The following TANGO6 variants were observed in gnomAD, a reference collection of about 807,000 sequenced individuals.
The protein encoded by TANGO6 is transport and Golgi organization protein 6 homolog.
TANGO6 carries 90 observed loss-of-function variants against 114.2 expected under a neutral mutation model. The observed-to-expected ratio is 0.79, with a 90% CI of 0.66 to 0.94. The LOEUF is 0.94. Ranked by LOEUF, TANGO6 falls within the 40% of genes least tolerant of loss-of-function variation. TANGO6 has a pLI of 0.00. For synonymous variants in TANGO6, 477 were observed against 509.8 expected (o/e 0.94, Z 0.87); for missense variants, 1,274 against 1,315.3 (o/e 0.97, Z 0.49).
chr16:68,932,237 T>C (rs546866617), intron 14 of TANGO6, among the ~76,000 whole-genome samples: 100 of 152,156 alleles, frequency 6.6e-4, no homozygotes, highest in African/African-American at 2.3e-3. Flanking sequence ...ATTACAGGCA[T>C]GTGCCACCAC....
intron 7 of TANGO6, among the ~76,000 whole-genome samples, chr16:68,883,965 A>G (rs1402423382): frequency 6.6e-6 from 1 of 152,024 alleles, no homozygotes; most frequent in Non-Finnish European, 1.5e-5. Context: ...GGTGGAGTGC[A>G]GTGAGATGAC....
chr16:68,997,221 A>G (rs1160431044), intron 15 of TANGO6, among the ~76,000 whole-genome samples: 1 of 152,214 alleles, frequency 6.6e-6, no homozygotes, highest in African/African-American at 2.4e-5. Context: ...TGAGGAAGGA[A>G]TTCAAGAGTG....
intron 16 of TANGO6, among the ~76,000 whole-genome samples, chr16:69,039,835 C>G (rs1008754436): frequency 6.6e-6 from 1 of 152,150 alleles, no homozygotes. Context: ...TAGGCTGAAA[C>G]TTTCATCAAT....
intron 1 of TANGO6, among the ~76,000 whole-genome samples, chr16:68,844,204 G>C (rs983858500): frequency 6.6e-6 from 1 of 152,150 alleles, no homozygotes; most frequent in Non-Finnish European, 1.5e-5. Flanking sequence ...GGGTTACCAG[G>C]CGCTTTTAAT....
chr16:68,886,864 G>A (rs191502626), intron 7 of TANGO6, among the ~76,000 whole-genome samples: 1 of 151,026 alleles, frequency 6.6e-6, no homozygotes, highest in East Asian at 2.0e-4. Context: ...CTGGAGTGCA[G>A]TTGTGCGATC....
intron 16 of TANGO6, among the ~76,000 whole-genome samples, chr16:69,033,347 A>C (rs1008664148): frequency 6.6e-6 from 1 of 152,190 alleles, no homozygotes; most frequent in Non-Finnish European, 1.5e-5. Context: ...AACAGAAGGA[A>C]TTCTCCTTCG....
In TANGO6 at chr16:68,868,183, T is replaced by C. The variant is rs550282976; in HGVS notation, c.994+963T>C. Among the ~76,000 whole-genome samples the C allele has an allele frequency of 5.5e-4, 83 of 151,974 alleles. 1 individual carries two copies. In the South Asian group the frequency reaches 0.017, roughly 30 times the overall value. ...AAAAGTTAAATGTAAAATAATTTTC[T>C]TGAAGCCAGAAATACCTTTGAGATG... On this transcript the variant is annotated intron_variant, in intron 4 of 17. Coordinates refer to ENST00000261778, the MANE Select transcript of TANGO6 (RefSeq NM_024562.2).
At chr16:68,872,822 G>A (rs544570307) in intron 4 of TANGO6, among the ~76,000 whole-genome samples, 26 of 151,328 alleles carry the variant, frequency 1.7e-4, no homozygotes, top group South Asian at 6.3e-4. Context: ...TCAGCTTCCC[G>A]AGTAGCTGGG....
intron 14 of TANGO6, among the ~76,000 whole-genome samples, chr16:68,947,239 C>CTA (rs1963423127): frequency 1.3e-5 from 2 of 152,050 alleles, no homozygotes; most frequent in South Asian, 4.1e-4. Flanking sequence ...AGGCGGATCA[C>CTA]GAGGTCAGGA....
At chr16:69,019,835 G>A (rs1597060349) in intron 15 of TANGO6, among the ~76,000 whole-genome samples, 1 of 152,190 alleles carries the variant, frequency 6.6e-6, no homozygotes, top group Non-Finnish European at 1.5e-5. Flanking sequence ...ACCGTGCCCA[G>A]CCTACTTTGG....
chr16:69,072,082 C>CAGTGTG (rs2152243285), intron 17 of TANGO6, among the ~76,000 whole-genome samples: 1 of 58,558 alleles, frequency 1.7e-5, no homozygotes, highest in African/African-American at 8.6e-5. Context: ...GAGAGGGAGA[C>CAGTGTG]CGTGTGTGTG....
rs569335796 is a variant in TANGO6, at chr16:68,887,043, G to A, written c.1377+6413G>A. Among the ~76,000 whole-genome samples the A allele has an allele frequency of 3.8e-4, 58 of 151,952 alleles. 1 individual carries two copies. The East Asian group carries it at 0.01, about 26-fold the overall frequency. ...GGCTGGTCTCAAACTCCTGACCTCA[G>A]GTGATCCACCTGCCTCAGCCTCCCA... On this transcript the variant is annotated intron_variant, in intron 7 of 17. Transcript: ENST00000261778.
intron 12 of TANGO6, among the ~76,000 whole-genome samples, chr16:68,923,162 C>T (rs1361322967): frequency 6.7e-6 from 1 of 149,704 alleles, no homozygotes; most frequent in African/African-American, 2.5e-5. Flanking sequence ...TTCTCCATGT[C>T]GGTCAGGCTA....
intron 12 of TANGO6, among the ~76,000 whole-genome samples, chr16:68,923,322 G>T (rs1963122770): frequency 6.6e-6 from 1 of 152,108 alleles, no homozygotes; most frequent in South Asian, 2.1e-4. Flanking sequence ...GTTACCAGGA[G>T]CATGGACTGT....
intron 17 of TANGO6, among the ~76,000 whole-genome samples, chr16:69,057,921 G>A (rs1372789186): frequency 3.3e-5 from 5 of 152,090 alleles, no homozygotes; most frequent in East Asian, 3.9e-4. Flanking sequence ...CAGACTACGC[G>A]ATTCAGCAAC....
intron 1 of TANGO6, among the ~76,000 whole-genome samples, chr16:68,855,552 A>G (rs1961974552): frequency 6.6e-6 from 1 of 151,328 alleles, no homozygotes. Flanking sequence ...ACTGCACTTC[A>G]GCCTGGGAGA....
chr16:69,073,179 C>T (rs543981524), intron 17 of TANGO6, among the ~76,000 whole-genome samples: 1 of 152,152 alleles, frequency 6.6e-6, no homozygotes, highest in South Asian at 2.1e-4. Flanking sequence ...AGCAAGCATG[C>T]TGGTTTTGCT....
chr16:68,915,311 G>C (rs1962987199), intron 11 of TANGO6, among the ~76,000 whole-genome samples: 1 of 151,900 alleles, frequency 6.6e-6, no homozygotes. Context: ...TTGTTGCCCA[G>C]GCTGGAGTGC....
chr16:68,904,197 C>A (rs1341064523), intron 9 of TANGO6, among the ~76,000 whole-genome samples: 1 of 152,120 alleles, frequency 6.6e-6, no homozygotes, highest in African/African-American at 2.4e-5. Flanking sequence ...ACCTCTGCCT[C>A]CTGGGTTCAA....
Sources: gnomAD v4.1 joint callset for allele counts (sites outside exome capture counted in the v4.1 genomes callset) on GRCh38, gnomAD v4.1.1 for gene constraint, MANE v1.5 for transcripts, NCBI Gene and HGNC (gene_info 2026-07-23, HGNC 2026-07-21) for gene names.